Variants in EHBP1 observed in about 807,000 individuals in gnomAD.
EHBP1 encodes EH domain binding protein 1.
EHBP1 carries 55 observed loss-of-function variants against 144.0 expected under a neutral mutation model. That is an observed-to-expected ratio of 0.38 (90% CI 0.31 to 0.48). The LOEUF is 0.48. Among genes scored for constraint, EHBP1 ranks in the 20% least tolerant of loss-of-function variants. The pLI, the probability that EHBP1 is intolerant of heterozygous loss-of-function variation, is 0.98. For synonymous variants in EHBP1, 469 were observed against 472.7 expected (o/e 0.99, Z 0.10); for missense variants, 1,200 against 1,364.2 (o/e 0.88, Z 1.90).
intron 14 of EHBP1, among the ~76,000 whole-genome samples, chr2:62,975,511 A>G (rs1486996098): frequency 6.6e-6 from 1 of 152,178 alleles, no homozygotes; most frequent in Non-Finnish European, 1.5e-5. Flanking sequence ...AGCTTTAATT[A>G]CAGTTGATGA....
At chr2:62,738,981 G>C (rs765536575) in intron 2 of EHBP1, among the ~76,000 whole-genome samples, 4 of 152,130 alleles carry the variant, frequency 2.6e-5, no homozygotes, top group East Asian at 1.9e-4. Flanking sequence ...GAGGGAGACT[G>C]TACAAAGCTA....
chr2:62,899,998 G>T (rs2053262875), intron 10 of EHBP1, among the ~76,000 whole-genome samples: 1 of 152,134 alleles, frequency 6.6e-6, no homozygotes, highest in African/African-American at 2.4e-5. Context: ...TACATTTCAG[G>T]CAAACACAAA....
chr2:62,694,153 A>G (rs1463872465), intron 1 of EHBP1, among the ~76,000 whole-genome samples: 2 of 152,204 alleles, frequency 1.3e-5, no homozygotes, highest in African/African-American at 2.4e-5. Context: ...AATTATTGCA[A>G]GTCATGGGTA....
intron 10 of EHBP1, among the ~76,000 whole-genome samples, chr2:62,927,241 A>C (rs1194332767): frequency 1.3e-5 from 2 of 152,114 alleles, no homozygotes; most frequent in African/African-American, 4.8e-5. Context: ...GATTTGTTAA[A>C]GGATACAAAA....
chr2:62,815,406 G>C (rs1375008439), intron 5 of EHBP1, among the ~76,000 whole-genome samples: 1 of 152,158 alleles, frequency 6.6e-6, no homozygotes, highest in African/African-American at 2.4e-5. Flanking sequence ...TCTTGATGTG[G>C]TAAAATTATT....
At chr2:62,842,404 G>T (rs1356352567) in intron 7 of EHBP1, among the ~76,000 whole-genome samples, 2 of 152,074 alleles carry the variant, frequency 1.3e-5, no homozygotes, top group African/African-American at 4.8e-5. Context: ...TTTTATAAGG[G>T]CAATAGTATT....
intron 10 of EHBP1, among the ~76,000 whole-genome samples, chr2:62,941,603 G>A (rs1223819932): frequency 6.6e-6 from 1 of 152,076 alleles, no homozygotes; most frequent in African/African-American, 2.4e-5. Flanking sequence ...GATTTTAATT[G>A]TTTGGTACTA....
chr2:62,984,713 C>T (rs970342676), intron 15 of EHBP1, among the ~76,000 whole-genome samples: 2 of 152,158 alleles, frequency 1.3e-5, no homozygotes, highest in Non-Finnish European at 2.9e-5. Flanking sequence ...AAGACCTGAG[C>T]TGTATAGATC....
chr2:62,825,095 CA>C (rs1472830599), intron 5 of EHBP1, among the ~76,000 whole-genome samples: 2 of 151,896 alleles, frequency 1.3e-5, no homozygotes, highest in African/African-American at 4.8e-5. Flanking sequence ...TCTTAACTCC[CA>C]TATCAGTAAA....
At chr2:62,935,902 A>G (rs2056353458) in intron 10 of EHBP1, among the ~76,000 whole-genome samples, 1 of 152,186 alleles carries the variant, frequency 6.6e-6, no homozygotes, top group South Asian at 2.1e-4. Flanking sequence ...TGATTATATT[A>G]TATAGCTTTC....
chr2:62,863,321 T>A (rs963299653), intron 8 of EHBP1, among the ~76,000 whole-genome samples: 1 of 142,916 alleles, frequency 7.0e-6, no homozygotes, highest in Non-Finnish European at 1.5e-5. Flanking sequence ...TGTCCAGGCA[T>A]GGTGGCTCAC....
At chr2:62,954,472 T>C (rs1014187790) in intron 13 of EHBP1, among the ~76,000 whole-genome samples, 13 of 152,186 alleles carry the variant, frequency 8.5e-5, no homozygotes, top group Non-Finnish European at 1.8e-4. Flanking sequence ...GAAAATGTCC[T>C]GGAATTAGGT....
chr2:63,013,562 C>G (rs1019921752), intron 19 of EHBP1, among the ~76,000 whole-genome samples: 1 of 152,128 alleles, frequency 6.6e-6, no homozygotes, highest in Non-Finnish European at 1.5e-5. Flanking sequence ...AGCTTACCAC[C>G]GGTAGCTTTC....
chr2:62,971,481 A>G (rs1020273753), intron 14 of EHBP1, among the ~76,000 whole-genome samples: 2 of 152,190 alleles, frequency 1.3e-5, no homozygotes, highest in Non-Finnish European at 2.9e-5. Context: ...TGTATAGCCC[A>G]AGTATACATA....
At chr2:63,015,326 G>T (rs2060441195) in intron 19 of EHBP1, among the ~76,000 whole-genome samples, 1 of 152,108 alleles carries the variant, frequency 6.6e-6, no homozygotes, top group Non-Finnish European at 1.5e-5. Context: ...TTAATGTCAG[G>T]AAAAAGTAGA....
At chr2:63,034,365 GA>G (rs974858707) in intron 19 of EHBP1, among the ~76,000 whole-genome samples, 2 of 150,118 alleles carry the variant, frequency 1.3e-5, no homozygotes, top group African/African-American at 2.4e-5. Context: ...TGGTGAAACT[GA>G]AAAAAAAATT....
chr2:63,010,279 G>A (rs1182689944), intron 19 of EHBP1, among the ~76,000 whole-genome samples: 2 of 151,296 alleles, frequency 1.3e-5, no homozygotes, highest in Admixed American at 1.3e-4. Flanking sequence ...TTGGCTCAAA[G>A]CTATAATTAG....
intron 3 of EHBP1, among the ~76,000 whole-genome samples, chr2:62,757,559 G>C (rs765287770): frequency 6.7e-6 from 1 of 149,902 alleles, no homozygotes; most frequent in African/African-American, 2.5e-5. Flanking sequence ...TTAGTCTCCC[G>C]AGTAGCTGGG....
chr2:62,943,993 G>C, intron 12 of EHBP1, 143 bp downstream of exon 12: 1 of 532,992 alleles, frequency 1.9e-6, no homozygotes, highest in Non-Finnish European at 3.3e-6. Context: ...GGTTCATTAG[G>C]ATACATGGTT....
Sources: allele counts gnomAD v4.1 joint callset (sites outside exome capture counted in the v4.1 genomes callset), GRCh38; gene constraint gnomAD v4.1.1; transcripts MANE v1.5; gene names NCBI Gene and HGNC (gene_info 2026-07-23, HGNC 2026-07-21).